Variants in BRINP1 observed in about 807,000 individuals in gnomAD.
The protein encoded by BRINP1 is BMP/retinoic acid inducible neural specific 1.
In BRINP1, 17 loss-of-function variants were observed where a neutral mutation model predicts 72.9. That is an observed-to-expected ratio of 0.23 (90% CI 0.16 to 0.35). BRINP1 has a LOEUF of 0.35. Among genes scored for constraint, BRINP1 ranks in the 10% least tolerant of loss-of-function variants. The probability of loss-of-function intolerance (pLI) is 1.00; values close to 1 mark genes in which losing one functional copy is unlikely to be tolerated. For synonymous variants in BRINP1, 418 were observed against 378.5 expected, an observed-to-expected ratio of 1.10 and a Z score of -1.21; for missense variants, 850 against 1,001.6, an observed-to-expected ratio of 0.85 and a Z score of 2.04.
intron 1 of BRINP1, among the ~76,000 whole-genome samples, chr9:119,315,670 C>G (rs1831117558): frequency 6.6e-6 from 1 of 152,224 alleles, no homozygotes; most frequent in Non-Finnish European, 1.5e-5. Context: ...GAAGCTAGGG[C>G]TCTTGCACCA....
intron 1 of BRINP1, among the ~76,000 whole-genome samples, chr9:119,358,567 G>A (rs1233150397): frequency 6.6e-6 from 1 of 152,136 alleles, no homozygotes; most frequent in Non-Finnish European, 1.5e-5. Flanking sequence ...GGCGGCGTGT[G>A]CCTGTAGTCC....
chr9:119,307,408 C>T (rs528767543), intron 2 of BRINP1, among the ~76,000 whole-genome samples: 1 of 152,274 alleles, frequency 6.6e-6, no homozygotes. Flanking sequence ...AACTGTGGTT[C>T]TGCCCTCTAT....
chr9:119,321,250 A>C (rs1041789729), intron 1 of BRINP1, among the ~76,000 whole-genome samples: 2 of 152,036 alleles, frequency 1.3e-5, no homozygotes, highest in African/African-American at 2.4e-5. Context: ...CATTTTATAC[A>C]TGGTGAGGAG....
At chr9:119,169,560 G>A (rs230098) in intron 7 of BRINP1, among the ~76,000 whole-genome samples, 12,196 of 151,542 alleles carry the variant, frequency 0.08, 1,506 homozygotes, top group African/African-American at 0.27. Context: ...GGGGAGGGGC[G>A]CCCGCCATTG....
intron 5 of BRINP1, among the ~76,000 whole-genome samples, chr9:119,228,172 T>C (rs1830111769): frequency 6.6e-6 from 1 of 151,860 alleles, no homozygotes; most frequent in Non-Finnish European, 1.5e-5. Context: ...TTTCCACACT[T>C]CTTTCTCTTC....
rs1047595989 is a variant in BRINP1 at position 119,369,352 on chromosome 9, G to T, written c.-347C>A. ...TCGCTCGCTCTCTCCCTCTCTCGCG[G>T]GTTCGCTCGCCTGCGCTCTCCTCCT... On this transcript the variant is annotated 5_prime_UTR_variant, in exon 1 of 8. Coordinates refer to ENST00000265922, the MANE Select transcript of BRINP1 (RefSeq NM_014618.3). 1.0e-5 allele frequency: 4 copies of T among 398,354 alleles called. No individual in the cohort carries two copies. In the East Asian group the frequency reaches 1.4e-4, roughly 14 times the overall value. The allele number at this position is 398,354 out of a possible 1,614,324, so 24.7% of individuals were successfully genotyped here. A position where few individuals can be genotyped will look rare whatever the true frequency, so the allele number is the denominator to read the frequency against.
intron 1 of BRINP1, among the ~76,000 whole-genome samples, chr9:119,362,088 G>T (rs1831641425): frequency 6.7e-6 from 1 of 149,304 alleles, no homozygotes; most frequent in Admixed American, 6.7e-5. Context: ...AAAGTGCTGG[G>T]ATTACAGGCG....
chr9:119,367,221 GATATATAT>G lies in BRINP1; in HGVS notation c.-51+1827_-51+1834del, dbSNP rs6151155. The stretch of plus-strand genomic sequence containing the variant: ...TGTGTGTGTGTGTGTGTGTGTGATT[GATATATAT>G]ATATATATATATATCTTCCTAGAAT... On this transcript the variant is annotated intron_variant, in intron 1 of 7. Coordinates refer to ENST00000265922, the MANE Select transcript of BRINP1 (RefSeq NM_014618.3). Among the ~76,000 whole-genome samples the G allele has an allele frequency of 5.5e-4, 55 of 99,894 alleles. 6 individuals are homozygous for G. The East Asian group carries it at 0.017, about 31-fold the overall frequency. The allele number at this position is 99,894 out of a possible 152,430, so 65.5% of individuals were successfully genotyped here.
chr9:119,185,223 A>C (rs1829604140), intron 7 of BRINP1, among the ~76,000 whole-genome samples: 1 of 152,126 alleles, frequency 6.6e-6, no homozygotes, highest in Admixed American at 6.6e-5. Flanking sequence ...TCTCCAAATA[A>C]TAGAATAATA....
chr9:119,198,903 C>A (rs1184489526), intron 7 of BRINP1, among the ~76,000 whole-genome samples: 1 of 152,076 alleles, frequency 6.6e-6, no homozygotes, highest in Non-Finnish European at 1.5e-5. Flanking sequence ...GAACTCCTGG[C>A]CTCAAGTGAT....
At position 119,166,988 on chromosome 9, in the gene BRINP1, TA is replaced by T; in HGVS notation, c.*95del. 7.6e-7 allele frequency: 1 copy of T among 1,316,612 alleles called. No homozygotes were observed. The allele number at this position is 1,316,612 out of a possible 1,614,324, so 81.6% of individuals were successfully genotyped here. Reference sequence around the variant, plus strand: ...TTTTCTTTGAATATTAATTACATTTTACAAATTTTTGTGGGTTTTTTTGTTT... The same window carrying T: ...TTTTCTTTGAATATTAATTACATTTTCAAATTTTTGTGGGTTTTTTTGTTT... On this transcript the variant is annotated 3_prime_UTR_variant, in exon 8 of 8. Coordinates refer to ENST00000265922, the MANE Select transcript of BRINP1 (RefSeq NM_014618.3).
chr9:119,337,446 A>G (rs1474853998), intron 1 of BRINP1, among the ~76,000 whole-genome samples: 1 of 152,226 alleles, frequency 6.6e-6, no homozygotes, highest in African/African-American at 2.4e-5. Flanking sequence ...AATCTCTCCT[A>G]TTTAAAGCAT....
chr9:119,289,096 G>T (rs537190666), intron 2 of BRINP1, among the ~76,000 whole-genome samples: 1 of 152,094 alleles, frequency 6.6e-6, no homozygotes, highest in Non-Finnish European at 1.5e-5. Context: ...CACCACACCC[G>T]GCCCATTTAA....
intron 1 of BRINP1, among the ~76,000 whole-genome samples, chr9:119,358,787 T>C (rs905645779): frequency 2.0e-5 from 3 of 152,250 alleles, no homozygotes; most frequent in Admixed American, 6.5e-5. Context: ...CCTATGTCTA[T>C]ATCTGGTCTT....
chr9:119,168,742 C>CT (rs1398148313), intron 7 of BRINP1, among the ~76,000 whole-genome samples: 1 of 126,052 alleles, frequency 7.9e-6, no homozygotes. Flanking sequence ...TTTTATCATA[C>CT]GCTAGAAATC....
At chr9:119,187,639 G>C (rs1285914932) in intron 7 of BRINP1, among the ~76,000 whole-genome samples, 1 of 151,798 alleles carries the variant, frequency 6.6e-6, no homozygotes, top group East Asian at 1.9e-4. Context: ...TAAACATAAG[G>C]ACACAAAGAA....
In BRINP1 at chr9:119,184,458, G is replaced by A. The variant is rs112008991; in HGVS notation, c.1146-16234C>T. Reference sequence around the variant, plus strand: ...CACTTGTAAGCACTTGTGATTGACAGCCAGATGCCCTGAGCTAGCCTGACT... The same window carrying A: ...CACTTGTAAGCACTTGTGATTGACAACCAGATGCCCTGAGCTAGCCTGACT... On this transcript the variant is annotated intron_variant, in intron 7 of 7. Transcript: ENST00000265922. Among the ~76,000 whole-genome samples, 1,258 of 152,278 alleles carry A rather than the reference G, an allele frequency of 8.3e-3. 15 individuals are homozygous for A. The highest frequency in any genetic ancestry group is 0.027 in the African/African-American group (1,133 of 41,562).
At chr9:119,253,144 T>G (rs1276461441) in intron 2 of BRINP1, among the ~76,000 whole-genome samples, 1 of 152,118 alleles carries the variant, frequency 6.6e-6, no homozygotes, top group East Asian at 1.9e-4. Flanking sequence ...ATTGGTCCAC[T>G]GGGGGAAGGA....
intron 2 of BRINP1, among the ~76,000 whole-genome samples, chr9:119,303,661 G>A (rs892592196): frequency 1.8e-4 from 28 of 151,990 alleles, no homozygotes; most frequent in Admixed American, 9.8e-4. Context: ...CCTAAAAAGC[G>A]TCTTCCTAGT....
Sources: allele counts gnomAD v4.1 joint callset (sites outside exome capture counted in the v4.1 genomes callset), GRCh38; gene constraint gnomAD v4.1.1; transcripts MANE v1.5; gene names NCBI Gene and HGNC (gene_info 2026-07-23, HGNC 2026-07-21).